The following PSD4 variants were observed in gnomAD, a reference collection of about 807,000 sequenced individuals.
The protein encoded by PSD4 is PH and SEC7 domain-containing protein 4.
Under a neutral mutation model 112.5 loss-of-function variants are expected in PSD4, and 59 were observed. The ratio of observed to expected loss-of-function variants is 0.52; its 90% CI spans 0.43 to 0.65. The LOEUF is 0.65. PSD4 is among the 30% of genes least tolerant of loss of function. PSD4 has a pLI of 0.00. For synonymous variants in PSD4, 533 were observed against 540.0 expected, an observed-to-expected ratio of 0.99 and a Z score of 0.18; for missense variants, 1,267 against 1,352.6, an observed-to-expected ratio of 0.94 and a Z score of 0.99.
intron 3 of PSD4, 82 bp from the exon 4 acceptor site, chr2:113,185,283 C>T (rs1688263538): frequency 6.3e-7 from 1 of 1,582,480 alleles, no homozygotes; most frequent in South Asian, 1.1e-5. Flanking sequence ...CCCTCCTTTC[C>T]CCTTCTCCCT....
chr2:113,194,502 G>A (rs962960531), intron 10 of PSD4, among the ~76,000 whole-genome samples: 5 of 152,372 alleles, frequency 3.3e-5, no homozygotes, highest in South Asian at 2.1e-4. Context: ...TCACAGTCAC[G>A]CATCACTTAA....
rs1688641822 is a variant in PSD4, at chr2:113,197,428, C to A, written c.2387-136C>A. On this transcript the variant is annotated intron_variant, in intron 12 of 16. Coordinates refer to ENST00000245796, the MANE Select transcript of PSD4 (RefSeq NM_012455.3). ...ATGTGTTTTCTTGTGTTGGCATGTT[C>A]TGCATTTGTGTGCATCCTGGTGAGA... 4 of 860,966 alleles carry A rather than the reference C, an allele frequency of 4.6e-6. No homozygotes were observed. In the Admixed American group the frequency reaches 8.0e-5, roughly 17 times the overall value. The allele number at this position is 860,966 out of a possible 1,614,324, so 53.3% of individuals were successfully genotyped here.
intron 9 of PSD4, 94 bp downstream of exon 9, chr2:113,193,744 C>A: frequency 6.4e-7 from 1 of 1,552,892 alleles, no homozygotes. Flanking sequence ...GCAGGGAACA[C>A]CCCTGAGGGA....
At chr2:113,198,128 C>T (rs1395320685) in intron 14 of PSD4, 6 of 579,020 alleles carry the variant, frequency 1.0e-5, no homozygotes, top group Non-Finnish European at 1.7e-5. Context: ...CCTTGGCCAA[C>T]TTTGCCAGCA....
chr2:113,201,539 G>A lies in PSD4; in HGVS notation c.*124G>A, dbSNP rs1308985695. On this transcript the variant is annotated 3_prime_UTR_variant, in exon 17 of 17. Transcript: ENST00000245796. ...TGAGGCACCTCCTTTCCCTGCTGAA[G>A]GACAAACCTTGTTTCCCTGTGGCCC... 2.2e-6 allele frequency: 3 copies of A among 1,340,988 alleles called. No homozygotes were observed. The highest frequency in any genetic ancestry group is 1.5e-5 in the African/African-American group (1 of 68,730). The allele number at this position is 1,340,988 out of a possible 1,614,324, so 83.1% of individuals were successfully genotyped here.
intron 1 of PSD4, among the ~76,000 whole-genome samples, chr2:113,180,380 T>A (rs1249726296): frequency 6.6e-6 from 1 of 152,188 alleles, no homozygotes; most frequent in African/African-American, 2.4e-5. Context: ...TGTTCTCTAG[T>A]GCTGGGCAGG....
chr2:113,193,804 T>C (rs1688524577), intron 9 of PSD4, 55 bp from the exon 10 acceptor site: 22 of 1,586,758 alleles, frequency 1.4e-5, no homozygotes, highest in Non-Finnish European at 1.9e-5. Flanking sequence ...GCTGGGAGGT[T>C]ATTCTATTGG....
At chr2:113,198,617 T>C (rs1688678161) in intron 14 of PSD4, 123 bp from the exon 15 acceptor site, 6 of 1,218,526 alleles carry the variant, frequency 4.9e-6, no homozygotes, top group Non-Finnish European at 4.4e-6. Context: ...GGCAGGGCTG[T>C]AACTATGGGA....
In PSD4 at chr2:113,203,992, C is replaced by T. The variant is rs1688830393; in HGVS notation, c.*2577C>T. ...CCTGAGCACGTGGAATCTTCAGAGC[C>T]AGATGATGGTGGCTGCCTGGCCTGC... is the stretch of plus-strand genomic sequence containing the variant. On this transcript the variant is annotated 3_prime_UTR_variant, in exon 17 of 17. Transcript: ENST00000245796. 1 of 152,268 alleles carries T rather than the reference C, an allele frequency of 6.6e-6. No individual in the cohort carries two copies. The allele number at this position is 152,268 out of a possible 1,614,324, so 9.4% of individuals were successfully genotyped here. A position where few individuals can be genotyped will look rare whatever the true frequency, so the allele number is the denominator to read the frequency against.
chr2:113,183,658 A>T (rs1688215005), intron 2 of PSD4, 146 bp downstream of exon 2: 1 of 715,200 alleles, frequency 1.4e-6, no homozygotes, highest in African/African-American at 1.8e-5. Context: ...AGGGTAATAG[A>T]GCAGAAAATC....
Position 113,185,447 on chromosome 2 carries a change from C to G in PSD4, c.1249+7C>G. 1 of 1,614,114 alleles carries G rather than the reference C, an allele frequency of 6.2e-7. No homozygotes were observed. Among genetic ancestry groups the G allele is most frequent in the South Asian group, 1.1e-5 (1 of 91,074 alleles). Reference sequence around the variant, plus strand: ...CTTAACTCCCAGGACAGAGGTGAGCCCTAATAAGGGGGTTTGGGAAATTGG... The same window carrying G: ...CTTAACTCCCAGGACAGAGGTGAGCGCTAATAAGGGGGTTTGGGAAATTGG... On this transcript the variant is annotated splice_region_variant and intron_variant, in intron 4 of 16. Coordinates refer to ENST00000245796, the MANE Select transcript of PSD4 (RefSeq NM_012455.3).
intron 5 of PSD4, among the ~76,000 whole-genome samples, chr2:113,191,594 T>TA (rs1399507446): frequency 6.6e-6 from 1 of 152,236 alleles, no homozygotes; most frequent in African/African-American, 2.4e-5. Flanking sequence ...CATATTATGA[T>TA]GTCTTCTGCT....
At chr2:113,177,831 G>A (rs1001621835) in intron 1 of PSD4, among the ~76,000 whole-genome samples, 6 of 152,162 alleles carry the variant, frequency 3.9e-5, no homozygotes, top group African/African-American at 1.4e-4. Flanking sequence ...AGAACCACGC[G>A]GGTAAACACA....
At chr2:113,176,266 C>T (rs1687970549) in intron 1 of PSD4, among the ~76,000 whole-genome samples, 1 of 152,208 alleles carries the variant, frequency 6.6e-6, no homozygotes, top group Non-Finnish European at 1.5e-5. Flanking sequence ...TTCCTTCCTG[C>T]CCCCTTGGGT....
chr2:113,184,919 C>T (rs1304197006), intron 2 of PSD4, 38 bp from the exon 3 acceptor site: 30 of 1,611,948 alleles, frequency 1.9e-5, no homozygotes, highest in African/African-American at 2.7e-5. Flanking sequence ...GTCACCTCTC[C>T]TCTCCTTCTC....
chr2:113,192,540 C>T lies in PSD4; in HGVS notation c.1789C>T (p.Arg597Cys), dbSNP rs759823997. ...VAWNLASRLY[R>C]LEGFRKSEVA... ...CTGGAACTTGGCCTCACGCCTCTAT[C>T]GCCTGGAGGGCTTCCGGAAGTCTGA... The change falls in exon 6 of 17, where the codon CGC becomes TGC. Residue 597 changes from arginine (R) to cysteine (C), a missense_variant. Around this residue, in one of 2 missense-constraint regions of PSD4, gnomAD observed 544 missense variants for 648.6 expected, o/e 0.84. Transcript: ENST00000245796. 2.5e-5 allele frequency: 41 copies of T among 1,614,092 alleles called. No homozygotes were observed. Among genetic ancestry groups the T allele is most frequent in the Middle Eastern group, 3.3e-4 (2 of 6,084 alleles).
At chr2:113,198,563 A>C in intron 14 of PSD4, 177 bp from the exon 15 acceptor site, 1 of 672,656 alleles carries the variant, frequency 1.5e-6, no homozygotes, top group Non-Finnish European at 2.2e-6. Context: ...TTTCCTCTTT[A>C]TTGATAAGAA....
intron 12 of PSD4, chr2:113,197,165 C>A: frequency 3.3e-6 from 1 of 299,540 alleles, no homozygotes; most frequent in Non-Finnish European, 6.5e-6. Context: ...CGCCCTTGAG[C>A]CCCTCTAGAT....
At position 113,182,993 on chromosome 2, in the gene PSD4, G is replaced by T; in HGVS notation, c.537G>T (p.Gly179=). ...AGGAGGAGCTGGAGAAGACGGAAGGGCTCAAGGCTGGGCTGAAATGCTGTC... is the reference window on the plus strand; with the variant it reads ...AGGAGGAGCTGGAGAAGACGGAAGGTCTCAAGGCTGGGCTGAAATGCTGTC... ...DLEEELEKTE[G]LKAGLKCCLP... is the part of the protein sequence containing the mutation. Residue 179 remains glycine, a synonymous_variant, in exon 2 of 17, where the codon GGG becomes GGT. Transcript: ENST00000245796. The T allele has an allele frequency of 6.2e-7, 1 of 1,614,174 alleles. No homozygotes were observed.
Sources: allele counts gnomAD v4.1 joint callset (sites outside exome capture counted in the v4.1 genomes callset), GRCh38; gene constraint gnomAD v4.1.1; regional missense constraint gnomAD v4.1.1; transcripts MANE v1.5; gene names NCBI Gene and HGNC (gene_info 2026-07-23, HGNC 2026-07-21).